CNTN5: variants seen among roughly 807,000 people sequenced by gnomAD.
CNTN5 encodes the protein contactin-5.
In CNTN5, 77 loss-of-function variants were observed where a neutral mutation model predicts 129.1. The ratio of observed to expected loss-of-function variants is 0.60; its 90% confidence interval spans 0.50 to 0.72. The LOEUF (loss-of-function observed/expected upper bound fraction) is 0.72, where lower values mean the gene tolerates loss of function less well. CNTN5 is among the 30% of genes least tolerant of loss of function. CNTN5 has a pLI of 0.00. For missense variants in CNTN5, 1,478 were observed against 1,328.8 expected (o/e 1.11, Z -1.75); for synonymous variants, 509 against 465.6 (o/e 1.09, Z -1.20).
intron 13 of CNTN5, among the ~76,000 whole-genome samples, chr11:100,103,912 C>A (rs1945320909): frequency 2.0e-5 from 3 of 152,084 alleles, no homozygotes; most frequent in South Asian, 4.1e-4. Flanking sequence ...TGACTTACAG[C>A]AGATAAATGT....
intron 3 of CNTN5, among the ~76,000 whole-genome samples, chr11:99,789,259 A>T (rs1374231934): frequency 2.0e-5 from 3 of 151,916 alleles, no homozygotes; most frequent in Admixed American, 2.0e-4. Flanking sequence ...AAATTCATAC[A>T]TATTTTCTCA....
At chr11:100,241,796 G>A (rs1320498988) in intron 16 of CNTN5, among the ~76,000 whole-genome samples, 1 of 152,150 alleles carries the variant, frequency 6.6e-6, no homozygotes, top group Non-Finnish European at 1.5e-5. Context: ...GCATGCAAAG[G>A]ATCCTCAGAA....
chr11:99,781,450 C>T (rs960798219), intron 3 of CNTN5, among the ~76,000 whole-genome samples: 1 of 152,060 alleles, frequency 6.6e-6, no homozygotes, highest in African/African-American at 2.4e-5. Flanking sequence ...TCCTCTCATA[C>T]TAAGTGATAT....
At chr11:99,779,560 G>C (rs1335546376) in intron 3 of CNTN5, among the ~76,000 whole-genome samples, 1 of 151,888 alleles carries the variant, frequency 6.6e-6, no homozygotes, top group East Asian at 1.9e-4. Flanking sequence ...TTTCTTACTT[G>C]TTTTCTGTGT....
At chr11:100,027,451 A>G (rs1941481766) in intron 9 of CNTN5, among the ~76,000 whole-genome samples, 1 of 152,150 alleles carries the variant, frequency 6.6e-6, no homozygotes, top group Non-Finnish European at 1.5e-5. Context: ...ATGCCTCCCT[A>G]ATTATGATAT....
intron 13 of CNTN5, among the ~76,000 whole-genome samples, chr11:100,085,617 ATAGGACTGACTGAGCAT>A (rs1432923181): frequency 6.6e-6 from 1 of 152,058 alleles, no homozygotes; most frequent in African/African-American, 2.4e-5. Context: ...AATAATAAAA[ATAGGACTGACTGAGCAT>A]TGGGTATTTT....
intron 2 of CNTN5, among the ~76,000 whole-genome samples, chr11:99,496,834 T>G (rs1946244655): frequency 6.6e-6 from 1 of 152,206 alleles, no homozygotes; most frequent in Non-Finnish European, 1.5e-5. Context: ...TTCATACGTT[T>G]TCAGCCTGTG....
intron 18 of CNTN5, among the ~76,000 whole-genome samples, chr11:100,279,323 T>A (rs1159222221): frequency 6.6e-6 from 1 of 151,896 alleles, no homozygotes; most frequent in Non-Finnish European, 1.5e-5. Context: ...ACTGGCCTCA[T>A]AGAATGAATT....
chr11:99,307,279 T>A (rs1016634213), intron 1 of CNTN5, among the ~76,000 whole-genome samples: 4 of 152,204 alleles, frequency 2.6e-5, no homozygotes, highest in Non-Finnish European at 5.9e-5. Context: ...CTTCAAGTTG[T>A]CTCACAGTAT....
chr11:99,540,969 G>T (rs968305860), intron 2 of CNTN5, among the ~76,000 whole-genome samples: 3 of 152,016 alleles, frequency 2.0e-5, no homozygotes, highest in Non-Finnish European at 4.4e-5. Flanking sequence ...ACGTTAAAAA[G>T]AAATAATCAG....
chr11:100,008,802 A>T (rs1940341022), intron 9 of CNTN5, among the ~76,000 whole-genome samples: 1 of 152,014 alleles, frequency 6.6e-6, no homozygotes, highest in Non-Finnish European at 1.5e-5. Flanking sequence ...CCTTGACATG[A>T]TCTAATGAAT....
At chr11:100,293,750 A>G (rs1951045140) in intron 18 of CNTN5, among the ~76,000 whole-genome samples, 1 of 151,744 alleles carries the variant, frequency 6.6e-6, no homozygotes. Flanking sequence ...TCACTCCCAC[A>G]AGAAAACCTT....
chr11:99,692,982 T>C (rs1278177011), intron 3 of CNTN5, among the ~76,000 whole-genome samples: 3 of 152,130 alleles, frequency 2.0e-5, no homozygotes, highest in Non-Finnish European at 2.9e-5. Flanking sequence ...GAGTTGGTGA[T>C]TGGGCGTGGA....
At chr11:100,005,747 C>G (rs999196364) in intron 9 of CNTN5, among the ~76,000 whole-genome samples, 5 of 152,032 alleles carry the variant, frequency 3.3e-5, no homozygotes, top group African/African-American at 1.2e-4. Flanking sequence ...TCTATAGAAG[C>G]TAGGGCAAAG....
At chr11:100,262,088 A>G (rs542096418) in intron 17 of CNTN5, among the ~76,000 whole-genome samples, 110 of 152,328 alleles carry the variant, frequency 7.2e-4, no homozygotes, top group African/African-American at 1.9e-3. Flanking sequence ...CAAAGAACTT[A>G]AACAAATTTA....
At chr11:99,092,378 A>G (rs924762879) in intron 1 of CNTN5, among the ~76,000 whole-genome samples, 3 of 152,096 alleles carry the variant, frequency 2.0e-5, no homozygotes, top group Non-Finnish European at 4.4e-5. Flanking sequence ...CTGAGCTTAT[A>G]TATGACAACA....
At chr11:99,694,664 C>A (rs1485049927) in intron 3 of CNTN5, among the ~76,000 whole-genome samples, 2 of 152,018 alleles carry the variant, frequency 1.3e-5, no homozygotes, top group African/African-American at 4.8e-5. Context: ...TGCTATCCCT[C>A]CCCGAGCCCC....
chr11:99,439,371 G>T (rs577038253), intron 2 of CNTN5, among the ~76,000 whole-genome samples: 1 of 151,804 alleles, frequency 6.6e-6, no homozygotes. Context: ...AAAAAATAAC[G>T]TTAAAAATAA....
intron 9 of CNTN5, among the ~76,000 whole-genome samples, chr11:100,004,368 C>T (rs1421213107): frequency 6.6e-6 from 1 of 152,136 alleles, no homozygotes; most frequent in African/African-American, 2.4e-5. Flanking sequence ...CTGTTCTTTC[C>T]ATGGGGGCTC....
Sources: gnomAD v4.1 joint callset for allele counts (sites outside exome capture counted in the v4.1 genomes callset) on GRCh38, gnomAD v4.1.1 for gene constraint, MANE v1.5 for transcripts, NCBI Gene and HGNC (gene_info 2026-07-23, HGNC 2026-07-21) for gene names.